Variants in USPL1 observed in about 807,000 individuals in gnomAD.
USPL1 encodes SUMO-specific isopeptidase USPL1.
USPL1 carries 27 observed loss-of-function variants against 51.5 expected under a neutral mutation model. The observed-to-expected ratio is 0.52, with a 90% CI of 0.39 to 0.72. The LOEUF is 0.72. Among genes scored for constraint, USPL1 ranks in the 30% least tolerant of loss-of-function variants. USPL1 has a pLI of 0.00. For missense variants in USPL1, 1,226 were observed against 1,268.0 expected (o/e 0.97, Z 0.50); for synonymous variants, 451 against 459.6 (o/e 0.98, Z 0.24).
Position 30,646,970 on chromosome 13 carries a change from C to G in USPL1, c.1151C>G (p.Pro384Arg). ...KSLVTFTNVI[P>R]EWHPLNAAHF... ...CTGGTCACCTTTACAAATGTCATCC[C>G]TGAGTGGCACCCACTTAATGCTGCC... is the stretch of plus-strand genomic sequence containing the variant. The change falls in exon 7 of 9, where the codon CCT (proline) becomes CGT (arginine). Residue 384 changes from proline (P) to arginine (R), a missense_variant. Pro to Arg is a moderately radical substitution (Grantham distance 103). Coordinates refer to ENST00000255304, the MANE Select transcript of USPL1 (RefSeq NM_005800.5). The G allele has an allele frequency of 6.2e-6, 10 of 1,613,936 alleles. No individual in the cohort carries two copies. Among genetic ancestry groups the G allele is most frequent in the Non-Finnish European group, 7.6e-6 (9 of 1,179,918 alleles).
Position 30,658,176 on chromosome 13 carries a change from C to T in USPL1, c.2099C>T (p.Ala700Val), listed in dbSNP as rs768205465. Residue 700 changes from alanine (A) to valine (V), a missense_variant, in exon 9 of 9, where the codon GCT becomes GTT. Coordinates refer to ENST00000255304, the MANE Select transcript of USPL1 (RefSeq NM_005800.5). ...AAGTCAGTAGAAATTGAGAAGGACG[C>T]TCAGTTAAAACAATTCCTTACACCA... ...GVKSVEIEKD[A>V]QLKQFLTPKT... The T allele has an allele frequency of 3.1e-6, 5 of 1,613,210 alleles. No homozygotes were observed. In the Admixed American group the frequency reaches 8.3e-5, roughly 27 times the overall value.
In USPL1 at chr13:30,657,720, C is replaced by T. The variant is rs1315439180; in HGVS notation, c.1643C>T (p.Thr548Ile). 6.2e-7 allele frequency: 1 copy of T among 1,614,080 alleles called. No homozygotes were observed. Among genetic ancestry groups the T allele is most frequent in the Non-Finnish European group, 8.5e-7 (1 of 1,180,042 alleles). ...DAASAETASV[T>I]HPKDISVAPR... ...GCCTCAGCTGAAACAGCCTCAGTAACTCACCCTAAAGATATATCAGTTGCC... is the reference window on the plus strand; with the variant it reads ...GCCTCAGCTGAAACAGCCTCAGTAATTCACCCTAAAGATATATCAGTTGCC... Residue 548 changes from threonine (T) to isoleucine (I), a missense_variant, in exon 9 of 9, where the codon ACT (threonine) becomes ATT (isoleucine). Physicochemically the swap from Thr to Ile is moderately conservative, Grantham distance 89. Coordinates refer to ENST00000255304, the MANE Select transcript of USPL1 (RefSeq NM_005800.5).
At chr13:30,629,210 A>G (rs1950764674) in intron 3 of USPL1, among the ~76,000 whole-genome samples, 1 of 152,146 alleles carries the variant, frequency 6.6e-6, no homozygotes, top group Non-Finnish European at 1.5e-5. Flanking sequence ...GTCGCTCAAA[A>G]ATTTTAATGG....
intron 6 of USPL1, among the ~76,000 whole-genome samples, chr13:30,643,234 T>C (rs958595696): frequency 3.3e-5 from 5 of 152,200 alleles, no homozygotes; most frequent in African/African-American, 1.2e-4. Context: ...CTGCTTTTCC[T>C]AATGCCTCTC....
intron 3 of USPL1, among the ~76,000 whole-genome samples, chr13:30,625,247 A>G (rs553803522): frequency 2.6e-5 from 4 of 152,236 alleles, no homozygotes; most frequent in Middle Eastern, 3.4e-3. Context: ...GGAATCAAGG[A>G]TAGTTCCAAG....
chr13:30,651,233 G>C (rs1247416698), intron 7 of USPL1, among the ~76,000 whole-genome samples: 1 of 152,132 alleles, frequency 6.6e-6, no homozygotes, highest in Non-Finnish European at 1.5e-5. Flanking sequence ...AATTGCTCTA[G>C]TTGTTGTCTC....
At chr13:30,620,879 C>T (rs1385137546) in intron 1 of USPL1, among the ~76,000 whole-genome samples, 194 bp from the exon 2 acceptor site, 1 of 152,122 alleles carries the variant, frequency 6.6e-6, no homozygotes, top group Non-Finnish European at 1.5e-5. Context: ...AGTCACTACC[C>T]TCTGTTCACA....
chr13:30,653,323 T>C lies in USPL1; in HGVS notation c.1396+18T>C, dbSNP rs536264143. The C allele has an allele frequency of 1.1e-5, 17 of 1,545,342 alleles. No homozygotes were observed. In the African/African-American group the frequency reaches 1.9e-4, roughly 18 times the overall value. On this transcript the variant is annotated intron_variant, in intron 8 of 8. Coordinates refer to ENST00000255304, the MANE Select transcript of USPL1 (RefSeq NM_005800.5). ...TGCTGATGGTAAGTGTTTAGAGGTT[T>C]TCTTTTAAGATAATTGGCATAGAAA...
intron 3 of USPL1, among the ~76,000 whole-genome samples, chr13:30,628,808 G>A (rs1950759081): frequency 6.6e-6 from 1 of 152,202 alleles, no homozygotes; most frequent in Non-Finnish European, 1.5e-5. Context: ...TGTTTGAGTT[G>A]CTTTCACTTT....
At chr13:30,651,069 T>C (rs1474408169) in intron 7 of USPL1, among the ~76,000 whole-genome samples, 1 of 152,070 alleles carries the variant, frequency 6.6e-6, no homozygotes, top group Non-Finnish European at 1.5e-5. Context: ...ATTTTCGACA[T>C]GGTAGTAAAA....
chr13:30,632,437 A>G lies in USPL1; in HGVS notation c.868+963A>G, dbSNP rs570360092. ...TTTTTTTTTTTTTTTTTTTTAAGACAGAGCCTCACTCTGTTGCCCAGGCTG... is the reference window on the plus strand; with the variant it reads ...TTTTTTTTTTTTTTTTTTTTAAGACGGAGCCTCACTCTGTTGCCCAGGCTG... On this transcript the variant is annotated intron_variant, in intron 4 of 8. Transcript: ENST00000255304. 1.9e-4 allele frequency among the ~76,000 whole-genome samples: 24 copies of G among 129,706 alleles called. No individual in the cohort carries two copies. In the South Asian group the frequency reaches 3.7e-3, roughly 20 times the overall value. The allele number at this position is 129,706 out of a possible 152,430, so 85.1% of individuals were successfully genotyped here.
At chr13:30,638,246 G>C (rs1950901817) in intron 5 of USPL1, among the ~76,000 whole-genome samples, 1 of 152,198 alleles carries the variant, frequency 6.6e-6, no homozygotes, top group Non-Finnish European at 1.5e-5. Context: ...TAGGATCTCA[G>C]GGATGGGGCT....
intron 8 of USPL1, among the ~76,000 whole-genome samples, chr13:30,657,014 C>CT (rs1345900893): frequency 6.6e-6 from 1 of 152,096 alleles, no homozygotes; most frequent in African/African-American, 2.4e-5. Context: ...CGACACACTG[C>CT]TTTAAGTAAT....
intron 8 of USPL1, 84 bp downstream of exon 8, chr13:30,653,389 T>TA: frequency 1.5e-6 from 2 of 1,374,090 alleles, no homozygotes; most frequent in South Asian, 1.5e-5. Context: ...TTTTGTTTTA[T>TA]AAAAAAAGAC....
intron 6 of USPL1, among the ~76,000 whole-genome samples, chr13:30,643,138 T>G (rs1040650739): frequency 2.6e-5 from 4 of 152,286 alleles, no homozygotes; most frequent in African/African-American, 9.6e-5. Context: ...TCAGAGGTAA[T>G]GCAAGCTTCC....
intron 3 of USPL1, among the ~76,000 whole-genome samples, chr13:30,628,389 A>G (rs1218406115): frequency 1.3e-5 from 2 of 151,094 alleles, no homozygotes; most frequent in Non-Finnish European, 2.9e-5. Context: ...ATTTCTGTTT[A>G]TTTATTTATT....
intron 3 of USPL1, among the ~76,000 whole-genome samples, chr13:30,624,560 C>T (rs944559853): frequency 6.6e-6 from 1 of 152,026 alleles, no homozygotes; most frequent in African/African-American, 2.4e-5. Flanking sequence ...GTCCAGGCTG[C>T]AGTGAGCTGT....
At chr13:30,622,040 A>G (rs1950653677) in intron 3 of USPL1, 148 bp downstream of exon 3, 1 of 524,022 alleles carries the variant, frequency 1.9e-6, no homozygotes, top group Non-Finnish European at 2.9e-6. Flanking sequence ...CTGGTATACA[A>G]TGTTATTTTT....
rs761891451 is a variant in USPL1 at position 30,657,764 on chromosome 13, GAC to G, written c.1691_1692del (p.Thr564SerfsTer17). The G allele has an allele frequency of 3.7e-6, 6 of 1,613,974 alleles. No homozygotes were observed. Among genetic ancestry groups the G allele is most frequent in the Non-Finnish European group, 5.1e-6 (6 of 1,180,034 alleles). ...AGTTGCCCCTCGTACTCTTTCACAG[GAC>G]ACAGCTGTAACTCATGGAGATCATT... ...ISVAPRTLSQ[D>X]TAVTHGDHLL... On this transcript the variant is annotated frameshift_variant, in exon 9 of 9. Coordinates refer to ENST00000255304, the MANE Select transcript of USPL1 (RefSeq NM_005800.5). LOFTEE classifies it low-confidence loss of function (END_TRUNC).
Sources: allele counts gnomAD v4.1 joint callset (sites outside exome capture counted in the v4.1 genomes callset), GRCh38; gene constraint gnomAD v4.1.1; transcripts MANE v1.5; gene names NCBI Gene and HGNC (gene_info 2026-07-23, HGNC 2026-07-21).